ERVW-1: variants seen among roughly 807,000 people sequenced by gnomAD.
The protein encoded by ERVW-1 is endogenous retrovirus group W member 1, envelope.
ERVW-1 carries 21 observed loss-of-function variants against 16.6 expected under a neutral mutation model. The ratio of observed to expected loss-of-function variants is 1.26; its 90% CI spans 0.90 to 1.82. The LOEUF is 1.82. Among genes scored for constraint, ERVW-1 ranks in the 40% most tolerant of loss-of-function variants. The pLI, the probability that ERVW-1 is intolerant of heterozygous loss-of-function variation, is 0.00. For missense variants in ERVW-1, 412 were observed against 300.2 expected (o/e 1.37, Z -2.75); for synonymous variants, 161 against 109.8 (o/e 1.47, Z -2.92).
chr7:92,474,879 T>G (rs1790476103), intron 1 of ERVW-1: 1 of 152,138 alleles, frequency 6.6e-6, no homozygotes, highest in Non-Finnish European at 1.5e-5. Context: ...CTCCCACTGC[T>G]TGGAGGGGTC....
In ERVW-1 at chr7:92,469,283, T is replaced by C. The variant is rs780191108; in HGVS notation, c.1099A>G (p.Thr367Ala). The C allele has an allele frequency of 1.6e-5, 12 of 764,282 alleles. No homozygotes were observed. The highest frequency in any genetic ancestry group is 1.5e-4 in the South Asian group (11 of 74,534). The allele number at this position is 764,282 out of a possible 1,614,324, so 47.3% of individuals were successfully genotyped here. ...AGGGAGTTAAGTTGATCTTGCAAGG[T>C]GACCAGGGAGTCGGCGACCCGTTCC... ...DMERVADSLV[T>A]LQDQLNSLAA... The change falls in exon 2 of 2, where the codon ACC becomes GCC. Residue 367 changes from threonine to alanine, a missense_variant. Coordinates refer to ENST00000603053, the MANE Select transcript of ERVW-1 (RefSeq NM_001130925.2).
At position 92,468,621 on chromosome 7, in the gene ERVW-1, G is replaced by A. The variant is rs1304541914; in HGVS notation, c.*144C>T. ...AGGTGTGAGCTAAGTTGCAAGCCCC[G>A]TGTTTAAAGGTGGATGTGGTCACCT... On this transcript the variant is annotated 3_prime_UTR_variant, in exon 2 of 2. Coordinates refer to ENST00000603053, the MANE Select transcript of ERVW-1 (RefSeq NM_001130925.2). 2.3e-5 allele frequency: 13 copies of A among 561,204 alleles called. No homozygotes were observed. The highest frequency in any genetic ancestry group is 9.9e-5 in the Admixed American group (3 of 30,176). 34.8% of individuals were successfully genotyped at this position (561,204 alleles called of 1,614,324 possible).
rs768528047 is a variant in ERVW-1, at chr7:92,469,885, C to T, written c.497G>A (p.Ser166Asn). 1 of 778,438 alleles carries T rather than the reference C, an allele frequency of 1.3e-6. No individual in the cohort carries two copies. The highest frequency in any genetic ancestry group is 1.3e-5 in the South Asian group (1 of 74,518). 48.2% of individuals were successfully genotyped at this position (778,438 alleles called of 1,614,324 possible). ...ETLRTHTRLV[S>N]LFNTTLTGLH... ...CCCAGTGAGGGTGGTATTAAATAGG[C>T]TTACCAGGCGAGTATGGGTACGGAG... Residue 166 changes from serine (S) to asparagine (N), a missense_variant, in exon 2 of 2, where the codon AGC (serine) becomes AAC (asparagine). Physicochemically the swap from Ser to Asn is conservative, Grantham distance 46. Transcript: ENST00000603053.
chr7:92,477,937 G>A lies in ERVW-1; in HGVS notation c.-783C>T, dbSNP rs1049180130. On this transcript the variant is annotated 5_prime_UTR_variant, in exon 1 of 2. Transcript: ENST00000603053. ...CCATACAAAGGGAAGGGACCCAAAG[G>A]GGGGCTGCTGTTGCCAGCTCGAATG... 2 of 152,588 alleles carry A rather than the reference G, an allele frequency of 1.3e-5. No individual in the cohort carries two copies. The highest frequency in any genetic ancestry group is 2.9e-5 in the Non-Finnish European group (2 of 68,316). The allele number at this position is 152,588 out of a possible 1,614,324, so 9.5% of individuals were successfully genotyped here.
chr7:92,469,447 T>G lies in ERVW-1; in HGVS notation c.935A>C (p.Lys312Thr). 1 of 770,330 alleles carries G rather than the reference T, an allele frequency of 1.3e-6. No homozygotes were observed. The highest frequency in any genetic ancestry group is 2.4e-6 in the Non-Finnish European group (1 of 414,676). 47.7% of individuals were successfully genotyped at this position (770,330 alleles called of 1,614,324 possible). A position where few individuals can be genotyped will look rare whatever the true frequency, so the allele number is the denominator to read the frequency against. Residue 312 changes from lysine to threonine, a missense_variant, in exon 2 of 2, where the codon AAG becomes ACG. Lys to Thr is a moderately conservative substitution (Grantham distance 78, BLOSUM62 -1). Transcript: ENST00000603053. ...AATGGGTACTCTTTTGTTGCGGGGC[T>G]TAGATATGACATAACTGTATAAATC... Reference protein sequence around the residue: ...EQDLYSYVISKPRNKRVPILP... With the variant: ...EQDLYSYVISTPRNKRVPILP...
rs970688453 is a variant in ERVW-1, at chr7:92,477,839, G to A, written c.-685C>T. The A allele has an allele frequency of 1.0e-4, 17 of 167,874 alleles. No homozygotes were observed. The East Asian group carries it at 1.4e-3, about 14-fold the overall frequency. The allele number at this position is 167,874 out of a possible 1,614,324, so 10.4% of individuals were successfully genotyped here. Reference sequence around the variant, plus strand: ...TGGACGGTGAGCAAAAGCTCAGCTCGAGCCGTAAGAAACATGGACCAGAAG... The same window carrying A: ...TGGACGGTGAGCAAAAGCTCAGCTCAAGCCGTAAGAAACATGGACCAGAAG... On this transcript the variant is annotated 5_prime_UTR_variant, in exon 1 of 2. An upstream open reading frame in the 5' UTR gains an earlier in-frame stop. Transcript: ENST00000603053.
At position 92,469,718 on chromosome 7, in the gene ERVW-1, G is replaced by T. The variant is rs1462960108; in HGVS notation, c.664C>A (p.Pro222Thr). ...EINTTSVLVGPLVSNLEITHT... is the reference protein window; with the variant it reads ...EINTTSVLVGTLVSNLEITHT... ...GTTATTTCCAGATTGGAAACAAGAG[G>T]TCCTACTAAAACGGAAGTGGTGTTT... Residue 222 changes from proline to threonine, a missense_variant, in exon 2 of 2, where the codon CCT (proline) becomes ACT (threonine). Coordinates refer to ENST00000603053, the MANE Select transcript of ERVW-1 (RefSeq NM_001130925.2). 2 of 764,176 alleles carry T rather than the reference G, an allele frequency of 2.6e-6. No homozygotes were observed. The highest frequency in any genetic ancestry group is 2.7e-5 in the South Asian group (2 of 74,510). 47.3% of individuals were successfully genotyped at this position (764,176 alleles called of 1,614,324 possible).
Position 92,469,041 on chromosome 7 carries a change from C to A in ERVW-1, c.1341G>T (p.Trp447Cys), listed in dbSNP as rs1790205048. 3 of 711,300 alleles carry A rather than the reference C, an allele frequency of 4.2e-6. No individual in the cohort carries two copies. Among genetic ancestry groups the A allele is most frequent in the Non-Finnish European group, 7.7e-6 (3 of 390,288 alleles). 44.1% of individuals were successfully genotyped at this position (711,300 alleles called of 1,614,324 possible). The part of the protein sequence containing the change: ...PWGLLSQWMP[W>C]ILPFLGPLAA... ...CTAGAGGTCCTAAGAAGGGGAGAATCCAGGGCATCCATTGGCTGAGGAGGC... is the reference window on the plus strand; with the variant it reads ...CTAGAGGTCCTAAGAAGGGGAGAATACAGGGCATCCATTGGCTGAGGAGGC... The change falls in exon 2 of 2, where the codon TGG becomes TGT. Residue 447 changes from tryptophan (W) to cysteine (C), a missense_variant. Transcript: ENST00000603053.
intron 1 of ERVW-1, among the ~76,000 whole-genome samples, chr7:92,475,539 C>T (rs1790502567): frequency 1.3e-5 from 2 of 152,108 alleles, no homozygotes; most frequent in Admixed American, 6.5e-5. Flanking sequence ...TGGTCCTTTA[C>T]CAGCGTGCCC....
Position 92,468,625 on chromosome 7 carries a change from T to G in ERVW-1, c.*140A>C. ...GTGAGCTAAGTTGCAAGCCCCGTGT[T>G]TAAAGGTGGATGTGGTCACCTTCCC... On this transcript the variant is annotated 3_prime_UTR_variant, in exon 2 of 2. Transcript: ENST00000603053. 1 of 573,412 alleles carries G rather than the reference T, an allele frequency of 1.7e-6. No homozygotes were observed. The highest frequency in any genetic ancestry group is 3.1e-6 in the Non-Finnish European group (1 of 323,688). The allele number at this position is 573,412 out of a possible 1,614,324, so 35.5% of individuals were successfully genotyped here. A position where few individuals can be genotyped will look rare whatever the true frequency, so the allele number is the denominator to read the frequency against.
In ERVW-1 at chr7:92,477,555, A is replaced by T. The variant is rs915928199; in HGVS notation, c.-401T>A. On this transcript the variant is annotated 5_prime_UTR_variant, in exon 1 of 2. Coordinates refer to ENST00000603053, the MANE Select transcript of ERVW-1 (RefSeq NM_001130925.2). ...TGGCCTCACGGATTCCAAGGAATGGAATCTTGGGCCATGTGGTAAGTGTTA... is the reference window on the plus strand; with the variant it reads ...TGGCCTCACGGATTCCAAGGAATGGTATCTTGGGCCATGTGGTAAGTGTTA... 3 of 152,654 alleles carry T rather than the reference A, an allele frequency of 2.0e-5. No individual in the cohort carries two copies. The highest frequency in any genetic ancestry group is 7.2e-5 in the African/African-American group (3 of 41,416). 9.5% of individuals were successfully genotyped at this position (152,654 alleles called of 1,614,324 possible).
At position 92,469,604 on chromosome 7, in the gene ERVW-1, G is replaced by T; in HGVS notation, c.778C>A (p.Gln260Lys). The change falls in exon 2 of 2, where the codon CAA becomes AAA. Residue 260 changes from glutamine (Q) to lysine (K), a missense_variant. Physicochemically the swap from Gln to Lys is moderately conservative, Grantham distance 53. Transcript: ENST00000603053. Reference sequence around the variant, plus strand: ...ATTCCTGAGGGTAGGCAGACTATTTGTGTGGGAGGAGTTACCCACCTGATG... The same window carrying T: ...ATTCCTGAGGGTAGGCAGACTATTTTTGTGGGAGGAGTTACCCACCTGATG... ...QCIRWVTPPT[Q>K]IVCLPSGIFF... 1 of 682,226 alleles carries T rather than the reference G, an allele frequency of 1.5e-6. No homozygotes were observed. Among genetic ancestry groups the T allele is most frequent in the South Asian group, 1.4e-5 (1 of 70,118 alleles). The allele number at this position is 682,226 out of a possible 1,614,324, so 42.3% of individuals were successfully genotyped here. A position where few individuals can be genotyped will look rare whatever the true frequency, so the allele number is the denominator to read the frequency against.
intron 1 of ERVW-1, among the ~76,000 whole-genome samples, chr7:92,477,104 C>T (rs1790575013): frequency 6.6e-6 from 1 of 152,180 alleles, no homozygotes; most frequent in Admixed American, 6.5e-5. Flanking sequence ...CAACCGGCTA[C>T]TGCCGGGAGT....
chr7:92,476,129 A>C (rs1409463730), intron 1 of ERVW-1, among the ~76,000 whole-genome samples: 1 of 152,204 alleles, frequency 6.6e-6, no homozygotes, highest in African/African-American at 2.4e-5. Context: ...TTAAGATTTA[A>C]ATCCCGTTAG....
rs1055888950 is a variant in ERVW-1 at position 92,470,058 on chromosome 7, G to T, written c.324C>A (p.Tyr108Ter). 3 of 778,692 alleles carry T rather than the reference G, an allele frequency of 3.9e-6. No homozygotes were observed. The allele number at this position is 778,692 out of a possible 1,614,324, so 48.2% of individuals were successfully genotyped here. The change falls in exon 2 of 2, where the codon TAC (tyrosine) becomes TAA (stop). Residue 108 changes from tyrosine to a stop codon, truncating the protein, a stop_gained. Transcript: ENST00000603053. LOFTEE classifies it high-confidence loss of function. ...CATCAGACATACCAGTTTGGGTGAA[G>T]TAAGTCCAACAGACAGTGACTCCAA... The part of the protein sequence containing the change: ...GGLGVTVCWT[Y>*]FTQTGMSDGG...
intron 1 of ERVW-1, among the ~76,000 whole-genome samples, chr7:92,475,717 C>T (rs545551684): frequency 1.3e-5 from 2 of 152,284 alleles, no homozygotes; most frequent in East Asian, 1.9e-4. Context: ...TCTAGTGGTC[C>T]TTTACCAGCA....
At position 92,477,821 on chromosome 7, in the gene ERVW-1, T is replaced by C. The variant is rs990071845; in HGVS notation, c.-667A>G. The C allele has an allele frequency of 5.2e-4, 91 of 174,972 alleles. No individual in the cohort carries two copies. Among genetic ancestry groups the C allele is most frequent in the Non-Finnish European group, 8.1e-4 (70 of 86,096 alleles). The allele number at this position is 174,972 out of a possible 1,614,324, so 10.8% of individuals were successfully genotyped here. Reference sequence around the variant, plus strand: ...GGTGGCAAACAGCAGTGGTGGACGGTGAGCAAAAGCTCAGCTCGAGCCGTA... The same window carrying C: ...GGTGGCAAACAGCAGTGGTGGACGGCGAGCAAAAGCTCAGCTCGAGCCGTA... On this transcript the variant is annotated 5_prime_UTR_variant, in exon 1 of 2. Transcript: ENST00000603053.
intron 1 of ERVW-1, among the ~76,000 whole-genome samples, chr7:92,473,837 C>T (rs28838923): frequency 0.026 from 3,902 of 152,056 alleles, 207 homozygotes; most frequent in African/African-American, 0.089. Context: ...ATACCCAGGG[C>T]TCTGTGAGGG....
chr7:92,469,999 T>C lies in ERVW-1; in HGVS notation c.383A>G (p.His128Arg), dbSNP rs1471412897. 2 of 778,166 alleles carry C rather than the reference T, an allele frequency of 2.6e-6. No homozygotes were observed. The highest frequency in any genetic ancestry group is 4.8e-5 in the East Asian group (2 of 41,240). The allele number at this position is 778,166 out of a possible 1,614,324, so 48.2% of individuals were successfully genotyped here. ...GAGTTGGGAGATTACTTCTTTTACA[T>C]GTTTTTCTCTTGCCTGATCTTGAAC... The part of the protein sequence containing the change: ...GGVQDQAREK[H>R]VKEVISQLTR... Residue 128 changes from histidine (H) to arginine (R), a missense_variant, in exon 2 of 2, where the codon CAT becomes CGT. By Grantham distance (29) the His-to-Arg change is conservative. Transcript: ENST00000603053.
Sources: gnomAD v4.1 joint callset for allele counts (sites outside exome capture counted in the v4.1 genomes callset) on GRCh38, gnomAD v4.1.1 for gene constraint, MANE v1.5 for transcripts, NCBI Gene and HGNC (gene_info 2026-07-23, HGNC 2026-07-21) for gene names.